The following DISC1 variants were observed in gnomAD, a reference collection of about 807,000 sequenced individuals.
DISC1 encodes DISC1 scaffold protein, also known as disrupted in schizophrenia 1 protein.
In DISC1, 57 loss-of-function variants were observed where a neutral mutation model predicts 84.5. The ratio of observed to expected loss-of-function variants is 0.67; its 90% CI spans 0.55 to 0.84. The LOEUF (loss-of-function observed/expected upper bound fraction) is 0.84. Ranked by LOEUF, DISC1 falls within the 40% of genes least tolerant of loss-of-function variation. DISC1 has a pLI of 0.00. For missense variants in DISC1, 1,000 were observed against 1,057.8 expected (o/e 0.95, Z 0.76); for synonymous variants, 411 against 415.2 (o/e 0.99, Z 0.12).
intron 9 of DISC1, among the ~76,000 whole-genome samples, chr1:231,957,340 A>C (rs562480595): frequency 6.6e-6 from 1 of 151,952 alleles, no homozygotes; most frequent in South Asian, 2.1e-4. Flanking sequence ...GCCTTCCCTG[A>C]CCACTCTACA....
chr1:232,023,390 A>G (rs556548676), intron 11 of DISC1, among the ~76,000 whole-genome samples: 36 of 152,184 alleles, frequency 2.4e-4, no homozygotes, highest in African/African-American at 7.0e-4. Context: ...TTTTATTTCT[A>G]TTTGATATAT....
intron 1 of DISC1, among the ~76,000 whole-genome samples, chr1:231,659,750 G>C (rs1449496584): frequency 6.6e-6 from 1 of 152,144 alleles, no homozygotes; most frequent in Non-Finnish European, 1.5e-5. Flanking sequence ...AGTCATTCAG[G>C]AGCAGGTTGT....
chr1:231,917,102 A>T (rs1205435404), intron 9 of DISC1, among the ~76,000 whole-genome samples: 1 of 152,252 alleles, frequency 6.6e-6, no homozygotes, highest in African/African-American at 2.4e-5. Flanking sequence ...ATGTTAAAAT[A>T]CAGATACCTT....
At chr1:231,914,065 G>C (rs949377287) in intron 9 of DISC1, among the ~76,000 whole-genome samples, 3 of 152,178 alleles carry the variant, frequency 2.0e-5, no homozygotes, top group African/African-American at 7.2e-5. Flanking sequence ...GCCCAGGGCT[G>C]GCATGGCGAG....
intron 5 of DISC1, among the ~76,000 whole-genome samples, chr1:231,770,514 C>T (rs1421444173): frequency 6.6e-6 from 1 of 152,158 alleles, no homozygotes; most frequent in African/African-American, 2.4e-5. Flanking sequence ...GCTCCCTGCC[C>T]TGTGTCCTAA....
In DISC1 at chr1:232,024,063, G is replaced by GTATA. The variant is rs34010914; in HGVS notation, c.2308-2360_2308-2357dup. ...TATATATGTATATATGTGTATGTGT[G>GTATA]TATATATATATATATTTATCTGTGA... is the stretch of plus-strand genomic sequence containing the variant. On this transcript the variant is annotated intron_variant, in intron 11 of 12. Coordinates refer to ENST00000439617, the MANE Select transcript of DISC1 (RefSeq NM_018662.3). Among the ~76,000 whole-genome samples, 49 of 148,860 alleles carry GTATA rather than the reference G, an allele frequency of 3.3e-4. 1 individual carries two copies. Among genetic ancestry groups the GTATA allele is most frequent in the South Asian group, 1.1e-3 (5 of 4,718 alleles).
intron 1 of DISC1, among the ~76,000 whole-genome samples, chr1:231,689,341 G>A (rs962707879): frequency 6.6e-6 from 1 of 151,182 alleles, no homozygotes; most frequent in African/African-American, 2.4e-5. Flanking sequence ...TTTTTTTGTT[G>A]TTTTTTTGAG....
chr1:231,949,819 G>A (rs201591326), intron 9 of DISC1, among the ~76,000 whole-genome samples: 22 of 152,152 alleles, frequency 1.4e-4, no homozygotes, highest in Non-Finnish European at 2.8e-4. Flanking sequence ...TTCCTTTTGC[G>A]AAATTCCCTC....
At chr1:231,677,524 T>C (rs2063274140) in intron 1 of DISC1, among the ~76,000 whole-genome samples, 1 of 152,220 alleles carries the variant, frequency 6.6e-6, no homozygotes, top group Non-Finnish European at 1.5e-5. Context: ...AAATTTAAAA[T>C]GTGTTTTTTA....
intron 1 of DISC1, among the ~76,000 whole-genome samples, chr1:231,676,012 C>T (rs2063117925): frequency 6.6e-6 from 1 of 152,110 alleles, no homozygotes; most frequent in Admixed American, 6.5e-5. Context: ...CCACACCCAG[C>T]TAATTTTTGT....
At chr1:231,697,590 C>G (rs1022593472) in intron 2 of DISC1, among the ~76,000 whole-genome samples, 2 of 151,762 alleles carry the variant, frequency 1.3e-5, no homozygotes, top group Non-Finnish European at 2.9e-5. Context: ...CAGGCGCATG[C>G]CACCATGCCT....
At chr1:231,686,335 C>T (rs2064272443) in intron 1 of DISC1, among the ~76,000 whole-genome samples, 1 of 152,264 alleles carries the variant, frequency 6.6e-6, no homozygotes, top group East Asian at 1.9e-4. Context: ...GCCTGGGCAT[C>T]CAGCCGTTTC....
intron 9 of DISC1, chr1:231,866,516 A>G: frequency 2.5e-6 from 2 of 805,368 alleles, no homozygotes; most frequent in Non-Finnish European, 4.5e-6. Context: ...GTTCACTACT[A>G]CCTTAGGATA....
chr1:231,690,201 G>C (rs1225988259), intron 1 of DISC1, among the ~76,000 whole-genome samples: 3 of 152,146 alleles, frequency 2.0e-5, no homozygotes, highest in Non-Finnish European at 4.4e-5. Flanking sequence ...GGTGGAGATG[G>C]GGGTCATATA....
intron 1 of DISC1, among the ~76,000 whole-genome samples, chr1:231,647,602 A>G (rs890406094): frequency 6.6e-6 from 1 of 152,166 alleles, no homozygotes; most frequent in Admixed American, 6.5e-5. Flanking sequence ...GAAGAAAGTC[A>G]TTGGTAGCTT....
At position 231,777,297 on chromosome 1, in the gene DISC1, T is replaced by C. The variant is rs545107846; in HGVS notation, c.1634+6227T>C. On this transcript the variant is annotated intron_variant, in intron 6 of 12. Coordinates refer to ENST00000439617, the MANE Select transcript of DISC1 (RefSeq NM_018662.3). ...AGTACAGTGGTATGATCATGGCTCATTGCAGCATTTTACTCCTGAGCTCAA... is the reference window on the plus strand; with the variant it reads ...AGTACAGTGGTATGATCATGGCTCACTGCAGCATTTTACTCCTGAGCTCAA... Among the ~76,000 whole-genome samples the C allele has an allele frequency of 7.9e-5, 12 of 152,302 alleles. No individual in the cohort carries two copies. The East Asian group carries it at 2.1e-3, about 27-fold the overall frequency.
intron 4 of DISC1, among the ~76,000 whole-genome samples, chr1:231,751,251 G>A (rs2074574135): frequency 6.6e-6 from 1 of 152,022 alleles, no homozygotes; most frequent in South Asian, 2.1e-4. Flanking sequence ...TTTATCTTTG[G>A]GGTTATTTCT....
chr1:231,886,588 T>G (rs2086695591), intron 9 of DISC1, among the ~76,000 whole-genome samples: 1 of 152,206 alleles, frequency 6.6e-6, no homozygotes, highest in South Asian at 2.1e-4. Flanking sequence ...AATATGTGCT[T>G]CTTCTTAAGG....
At chr1:231,754,600 A>G (rs2074940361) in intron 4 of DISC1, among the ~76,000 whole-genome samples, 1 of 152,178 alleles carries the variant, frequency 6.6e-6, no homozygotes, top group African/African-American at 2.4e-5. Flanking sequence ...ACAATTCAAC[A>G]TGAGATTTGG....
Sources: gnomAD v4.1 joint callset for allele counts (sites outside exome capture counted in the v4.1 genomes callset) on GRCh38, gnomAD v4.1.1 for gene constraint, MANE v1.5 for transcripts, NCBI Gene and HGNC (gene_info 2026-07-23, HGNC 2026-07-21) for gene names.